Variants in ECI2 observed in about 807,000 individuals in gnomAD.
The protein encoded by ECI2 is D3,D2-enoyl-CoA isomerase.
A neutral mutation model predicts 38.4 loss-of-function variants in ECI2; 27 were observed. That is an observed-to-expected ratio of 0.70 (90% CI 0.52 to 0.97). The LOEUF (loss-of-function observed/expected upper bound fraction) is 0.97. ECI2 is among the 50% of genes least tolerant of loss of function. The pLI, the probability that ECI2 is intolerant of heterozygous loss-of-function variation, is 0.00. For missense variants in ECI2, 470 were observed against 474.4 expected, an observed-to-expected ratio of 0.99 and a Z score of 0.09; for synonymous variants, 168 against 172.0, an observed-to-expected ratio of 0.98 and a Z score of 0.18.
chr6:4,130,347 A>G (rs1370973925), intron 4 of ECI2, 25 bp downstream of exon 4: 1 of 1,614,134 alleles, frequency 6.2e-7, no homozygotes, highest in Admixed American at 1.7e-5. Flanking sequence ...AAAACAGGAC[A>G]AACTCCGTGG....
Position 4,115,769 on chromosome 6 carries a change from C to G in ECI2, c.*105G>C, listed in dbSNP as rs1772216615. ...AAATATCATCATTGTAATTGATATT[C>G]TAGCACTACAAAAGGCACAATGAAG... On this transcript the variant is annotated 3_prime_UTR_variant, in exon 10 of 10. Coordinates refer to ENST00000380118, the MANE Select transcript of ECI2 (RefSeq NM_206836.3). 3.5e-6 allele frequency: 5 copies of G among 1,436,276 alleles called. No individual in the cohort carries two copies. The highest frequency in any genetic ancestry group is 4.8e-6 in the Non-Finnish European group (5 of 1,051,670). The allele number at this position is 1,436,276 out of a possible 1,614,324, so 89.0% of individuals were successfully genotyped here. A position where few individuals can be genotyped will look rare whatever the true frequency, so the allele number is the denominator to read the frequency against.
In ECI2 at chr6:4,115,728, C is replaced by A; in HGVS notation, c.*146G>T. The A allele has an allele frequency of 7.8e-7, 1 of 1,290,044 alleles. No homozygotes were observed. The highest frequency in any genetic ancestry group is 1.4e-5 in the South Asian group (1 of 72,762). The allele number at this position is 1,290,044 out of a possible 1,614,324, so 79.9% of individuals were successfully genotyped here. ...AGCTTGTTTTACAAAACTTTTTATT[C>A]ATCAGAGCTGTAGTGAAATATCATC... On this transcript the variant is annotated 3_prime_UTR_variant, in exon 10 of 10. Coordinates refer to ENST00000380118, the MANE Select transcript of ECI2 (RefSeq NM_206836.3).
chr6:4,128,575 G>T (rs917826697), intron 4 of ECI2, among the ~76,000 whole-genome samples: 1 of 152,152 alleles, frequency 6.6e-6, no homozygotes, highest in Non-Finnish European at 1.5e-5. Flanking sequence ...AAAACAGCCT[G>T]CCCTCCGTAT....
chr6:4,131,052 A>C, intron 2 of ECI2, 187 bp from the exon 3 acceptor site: 1 of 503,112 alleles, frequency 2.0e-6, no homozygotes. Flanking sequence ...AAACAGAAAA[A>C]AGACTGGAAA....
chr6:4,116,874 G>A (rs1772313406), intron 9 of ECI2, among the ~76,000 whole-genome samples: 1 of 152,226 alleles, frequency 6.6e-6, no homozygotes, highest in Non-Finnish European at 1.5e-5. Flanking sequence ...GCCTCAGGTA[G>A]CTGCTCAAGC....
intron 7 of ECI2, among the ~76,000 whole-genome samples, chr6:4,123,664 C>T (rs140699275): frequency 2.6e-5 from 4 of 151,880 alleles, no homozygotes; most frequent in African/African-American, 9.6e-5. Flanking sequence ...AAGTCATCAA[C>T]ATTTTTAAAA....
intron 6 of ECI2, chr6:4,125,573 G>T (rs781758519): frequency 5.8e-6 from 4 of 685,380 alleles, no homozygotes; most frequent in Non-Finnish European, 9.5e-6. Flanking sequence ...GGCAGTGGAT[G>T]GAAGACCAAC....
chr6:4,130,005 A>G, intron 4 of ECI2: 1 of 1,020,076 alleles, frequency 9.8e-7, no homozygotes, highest in East Asian at 2.5e-5. Flanking sequence ...GTGCAAGCAG[A>G]AAGACTTACT....
intron 2 of ECI2, among the ~76,000 whole-genome samples, chr6:4,132,760 C>G (rs772637388): frequency 1.5e-4 from 23 of 152,244 alleles, no homozygotes; most frequent in Non-Finnish European, 3.1e-4. Flanking sequence ...TCATCTCTCT[C>G]TCTCTTTATT....
chr6:4,130,695 C>T (rs1386340393), intron 3 of ECI2, 72 bp downstream of exon 3: 22 of 1,603,014 alleles, frequency 1.4e-5, no homozygotes, highest in Middle Eastern at 3.3e-4. Context: ...ACTCCATTTA[C>T]AATGGCTTAA....
rs1414259741 is a variant in ECI2 at position 4,127,851 on chromosome 6, G to A, written c.502-20C>T. 2 of 1,602,522 alleles carry A rather than the reference G, an allele frequency of 1.2e-6. No homozygotes were observed. Among genetic ancestry groups the A allele is most frequent in the Non-Finnish European group, 1.7e-6 (2 of 1,175,130 alleles). ...ATACATCTGTGTAATGGGAAGACAA[G>A]GAAAAGAAAAGAACTCTGAACACAG... On this transcript the variant is annotated intron_variant, in intron 4 of 9. Transcript: ENST00000380118.
intron 9 of ECI2, among the ~76,000 whole-genome samples, chr6:4,116,739 C>T (rs1004188413): frequency 2.6e-5 from 4 of 152,120 alleles, no homozygotes; most frequent in Non-Finnish European, 4.4e-5. Flanking sequence ...CCACTGTTCT[C>T]GGCCCTAATG....
chr6:4,126,705 C>T (rs1177064317), intron 5 of ECI2, among the ~76,000 whole-genome samples: 1 of 152,104 alleles, frequency 6.6e-6, no homozygotes, highest in Non-Finnish European at 1.5e-5. Flanking sequence ...GAAGTCGGTG[C>T]AGGATGAGGA....
chr6:4,127,890 A>G (rs1773279584), intron 4 of ECI2, 59 bp from the exon 5 acceptor site: 3 of 1,516,264 alleles, frequency 2.0e-6, no homozygotes, highest in Non-Finnish European at 2.7e-6. Context: ...TCATCAATCA[A>G]TGGACTCAAC....
At chr6:4,131,655 G>A (rs1198769710) in intron 2 of ECI2, among the ~76,000 whole-genome samples, 2 of 151,944 alleles carry the variant, frequency 1.3e-5, no homozygotes, top group Admixed American at 6.6e-5. Context: ...TCAGGAGTTC[G>A]AGACCAGCCT....
Position 4,131,061 on chromosome 6 carries a change from A to G in ECI2, c.214-196T>C, listed in dbSNP as rs1581994605. 1.0e-5 allele frequency: 5 copies of G among 492,652 alleles called. No homozygotes were observed. The East Asian group carries it at 1.6e-4, about 16-fold the overall frequency. 30.5% of individuals were successfully genotyped at this position (492,652 alleles called of 1,614,324 possible). On this transcript the variant is annotated intron_variant, in intron 2 of 9. Transcript: ENST00000380118. Reference sequence around the variant, plus strand: ...ATGCACAAACAGAAAAAAGACTGGAAATAAATTATAACTGCCTGTCTATGA... The same window carrying G: ...ATGCACAAACAGAAAAAAGACTGGAGATAAATTATAACTGCCTGTCTATGA...
At chr6:4,126,927 A>C (rs1302178737) in intron 5 of ECI2, among the ~76,000 whole-genome samples, 6 of 152,214 alleles carry the variant, frequency 3.9e-5, no homozygotes, top group African/African-American at 1.4e-4. Flanking sequence ...GATACAGAAC[A>C]TCTCCATCAC....
At chr6:4,132,189 C>T (rs1773533799) in intron 2 of ECI2, among the ~76,000 whole-genome samples, 1 of 152,244 alleles carries the variant, frequency 6.6e-6, no homozygotes, top group Non-Finnish European at 1.5e-5. Flanking sequence ...GGAGGACACA[C>T]ACAGGATGGA....
intron 7 of ECI2, among the ~76,000 whole-genome samples, chr6:4,121,227 A>G (rs762694729): frequency 6.6e-6 from 1 of 152,212 alleles, no homozygotes; most frequent in Non-Finnish European, 1.5e-5. Context: ...CTTACCATGT[A>G]CTTATTAGAC....
Sources: gnomAD v4.1 joint callset for allele counts (sites outside exome capture counted in the v4.1 genomes callset) on GRCh38, gnomAD v4.1.1 for gene constraint, MANE v1.5 for transcripts, NCBI Gene and HGNC (gene_info 2026-07-23, HGNC 2026-07-21) for gene names.